CEP89: variants seen among roughly 807,000 people sequenced by gnomAD.
CEP89 encodes centrosomal protein 89, also known as centrosomal protein of 89 kDa.
A neutral mutation model predicts 97.6 loss-of-function variants in CEP89; 95 were observed. That is an observed-to-expected ratio of 0.97 (90% CI 0.82 to 1.15). The LOEUF (loss-of-function observed/expected upper bound fraction) is 1.15. CEP89 is among the 50% of genes most tolerant of loss of function. CEP89 has a pLI of 0.00. For synonymous variants in CEP89, 354 were observed against 349.1 expected (o/e 1.01, Z -0.16); for missense variants, 869 against 947.7 (o/e 0.92, Z 1.09).
chr19:32,949,377 A>G (rs1396105512), intron 4 of CEP89, among the ~76,000 whole-genome samples: 3 of 151,800 alleles, frequency 2.0e-5, no homozygotes, highest in Non-Finnish European at 2.9e-5. Context: ...AGAACAGTGA[A>G]GCAGGTCTTT....
intron 18 of CEP89, among the ~76,000 whole-genome samples, 177 bp downstream of exon 18, chr19:32,881,667 A>G (rs1969283910): frequency 6.6e-6 from 1 of 152,234 alleles, no homozygotes; most frequent in Non-Finnish European, 1.5e-5. Context: ...TTTTAAAAGA[A>G]TAAAGAAGAT....
chr19:32,960,138 A>C, intron 2 of CEP89, 80 bp from the exon 3 acceptor site: 2 of 1,464,458 alleles, frequency 1.4e-6, no homozygotes, highest in Admixed American at 1.8e-5. Context: ...TAAACTCATC[A>C]AGGCTTACCT....
chr19:32,897,735 C>T (rs1358458934), intron 16 of CEP89, among the ~76,000 whole-genome samples: 1 of 152,042 alleles, frequency 6.6e-6, no homozygotes, highest in South Asian at 2.1e-4. Context: ...CTAAGTTTTT[C>T]GTTATTTGTA....
chr19:32,904,470 C>G (rs73926188), intron 14 of CEP89, among the ~76,000 whole-genome samples: 1 of 152,182 alleles, frequency 6.6e-6, no homozygotes, highest in Non-Finnish European at 1.5e-5. Context: ...AACGGAAGTA[C>G]TGTAAATCTT....
At chr19:32,892,200 G>GAC (rs1969537939) in intron 16 of CEP89, among the ~76,000 whole-genome samples, 1 of 66,260 alleles carries the variant, frequency 1.5e-5, no homozygotes, top group African/African-American at 4.9e-5. Context: ...TATATATTTA[G>GAC]ACATATATAT....
rs1352737614 is a variant in CEP89 at position 32,878,928 on chromosome 19, C to A, written c.*234G>T. ...CGTGAGCTATGATTGCACCACTGTA[C>A]TCCAGCATGGGCAACAGAGTGAGAC... On this transcript the variant is annotated 3_prime_UTR_variant, in exon 19 of 19. Coordinates refer to ENST00000305768, the MANE Select transcript of CEP89 (RefSeq NM_032816.5). The A allele has an allele frequency of 2.5e-6, 1 of 400,370 alleles. No homozygotes were observed. Among genetic ancestry groups the A allele is most frequent in the African/African-American group, 2.1e-5 (1 of 48,184 alleles). 24.8% of individuals were successfully genotyped at this position (400,370 alleles called of 1,614,324 possible).
chr19:32,969,904 G>A (rs1228556977), intron 1 of CEP89: 2 of 152,292 alleles, frequency 1.3e-5, no homozygotes, highest in Non-Finnish European at 2.9e-5. Context: ...GTCTGCAGCA[G>A]CGGTTTGCGG....
chr19:32,893,109 A>G (rs1969569451), intron 16 of CEP89, among the ~76,000 whole-genome samples: 1 of 127,386 alleles, frequency 7.9e-6, no homozygotes, highest in African/African-American at 3.3e-5. Context: ...GGATATCAGA[A>G]AAAAAAAACA....
chr19:32,887,384 A>G lies in CEP89; in HGVS notation c.1965+368T>C, dbSNP rs544064820. Among the ~76,000 whole-genome samples the G allele has an allele frequency of 5.3e-5, 8 of 151,886 alleles. No individual in the cohort carries two copies. The East Asian group carries it at 1.6e-3, about 30-fold the overall frequency. On this transcript the variant is annotated intron_variant, in intron 17 of 18. Transcript: ENST00000305768. ...AGGCAAGCACCACCATGCCTGGCTAACTTTTTAAATTTTTTGTAGAGATTG... is the reference window on the plus strand; with the variant it reads ...AGGCAAGCACCACCATGCCTGGCTAGCTTTTTAAATTTTTTGTAGAGATTG...
chr19:32,902,004 C>CTGTGTGTGTGTGTGTGTGTG lies in CEP89; in HGVS notation c.1566-593_1566-592insCACACACACACACACACACA, dbSNP rs1455977169. 7.7e-3 allele frequency among the ~76,000 whole-genome samples: 767 copies of CTGTGTGTGTGTGTGTGTGTG among 100,108 alleles called. 6 individuals carry two copies. The highest frequency in any genetic ancestry group is 0.023 in the East Asian group (93 of 3,980). 65.7% of individuals were successfully genotyped at this position (100,108 alleles called of 152,430 possible). On this transcript the variant is annotated intron_variant, in intron 14 of 18. Coordinates refer to ENST00000305768, the MANE Select transcript of CEP89 (RefSeq NM_032816.5). ...TATGTCTCTGTCTCTCTGTCTCTCT[C>CTGTGTGTGTGTGTGTGTGTG]TCTCTCTGTGTGTGTGTGTGTGTGT...
At chr19:32,887,034 A>C (rs1006465172) in intron 17 of CEP89, among the ~76,000 whole-genome samples, 6 of 150,462 alleles carry the variant, frequency 4.0e-5, no homozygotes, top group African/African-American at 1.5e-4. Flanking sequence ...AAATACAAAA[A>C]AAAAAAAATA....
chr19:32,958,624 AG>A (rs1207879100), intron 3 of CEP89, among the ~76,000 whole-genome samples: 1 of 152,158 alleles, frequency 6.6e-6, no homozygotes, highest in Non-Finnish European at 1.5e-5. Context: ...GGTTGCAGTG[AG>A]CCAGGATTGC....
chr19:32,926,846 G>A (rs2145922494), intron 10 of CEP89, 88 bp downstream of exon 10: 1 of 1,139,442 alleles, frequency 8.8e-7, no homozygotes, highest in Non-Finnish European at 1.3e-6. Context: ...ACAGACATGA[G>A]CCACCGCGCC....
intron 14 of CEP89, among the ~76,000 whole-genome samples, chr19:32,906,704 T>C (rs1458160615): frequency 6.7e-6 from 1 of 149,944 alleles, no homozygotes; most frequent in African/African-American, 2.4e-5. Context: ...CATCTTATTA[T>C]CCTCATATAT....
intron 3 of CEP89, among the ~76,000 whole-genome samples, chr19:32,957,547 T>C (rs10420805): frequency 0.37 from 56,372 of 151,986 alleles, 10,627 homozygotes; most frequent in Admixed American, 0.48. Flanking sequence ...CAGTGGTTCA[T>C]GCCTGTCATC....
intron 3 of CEP89, among the ~76,000 whole-genome samples, chr19:32,959,138 C>T (rs1469981238): frequency 6.6e-6 from 1 of 152,104 alleles, no homozygotes; most frequent in East Asian, 1.9e-4. Context: ...CTTCCCACCA[C>T]TCCAAAGGCA....
At chr19:32,901,507 C>G (rs982778316) in intron 14 of CEP89, 95 bp from the exon 15 acceptor site, 59 of 1,284,318 alleles carry the variant, frequency 4.6e-5, no homozygotes, top group Non-Finnish European at 5.3e-5. Flanking sequence ...ACAGCCCAGC[C>G]CTCCAGCCCC....
At chr19:32,909,729 T>C (rs184660756) in intron 14 of CEP89, among the ~76,000 whole-genome samples, 2 of 151,796 alleles carry the variant, frequency 1.3e-5, no homozygotes, top group East Asian at 1.9e-4. Flanking sequence ...AAACAAACGA[T>C]TGGGAAATGG....
At chr19:32,924,277 G>A (rs1166682801) in intron 11 of CEP89, among the ~76,000 whole-genome samples, 1 of 152,204 alleles carries the variant, frequency 6.6e-6, no homozygotes, top group African/African-American at 2.4e-5. Flanking sequence ...ACAGTCATGA[G>A]TCACCACATC....
Sources: gnomAD v4.1 joint callset for allele counts (sites outside exome capture counted in the v4.1 genomes callset) on GRCh38, gnomAD v4.1.1 for gene constraint, MANE v1.5 for transcripts, NCBI Gene and HGNC (gene_info 2026-07-23, HGNC 2026-07-21) for gene names.